The following TDRKH variants were observed in gnomAD, a reference collection of about 807,000 sequenced individuals.
TDRKH encodes the protein tudor and KH domain-containing protein.
TDRKH carries 28 observed loss-of-function variants against 61.3 expected under a neutral mutation model. That is an observed-to-expected ratio of 0.46 (90% CI 0.34 to 0.63). The LOEUF is 0.63. Ranked by LOEUF, TDRKH falls within the 20% of genes least tolerant of loss-of-function variation. The pLI is 0.01. For synonymous variants in TDRKH, 219 were observed against 244.4 expected (o/e 0.90, Z 0.97); for missense variants, 540 against 683.4 (o/e 0.79, Z 2.34).
downstream of TDRKH, chr1:151,767,610 C>G (rs1648408898): frequency 2.9e-6 from 1 of 339,340 alleles, no homozygotes; most frequent in Non-Finnish European, 5.1e-6. Context: ...TAAGCAGGAT[C>G]TGGAATCCAG....
At chr1:151,766,805 C>G (rs780709184), downstream of TDRKH, 12 of 1,603,342 alleles carry the variant, frequency 7.5e-6, no homozygotes, top group Admixed American at 1.5e-4. Flanking sequence ...TCTACCCGAT[C>G]TGGTCACCAT....
chr1:151,782,998 T>C lies in TDRKH; in HGVS notation c.25A>G (p.Thr9Ala). The change falls in exon 2 of 13, where the codon ACA becomes GCA. Residue 9 changes from threonine to alanine, a missense_variant. Around this residue, in one of 3 missense-constraint regions of TDRKH, gnomAD observed 156 missense variants for 218.0 expected, o/e 0.72. Transcript: ENST00000368824. ...ATTTTCTGAATGGTGGACAGGCTTG[T>C]CCAAGAAGTCCGTTCAGTAGACATT... is the stretch of plus-strand genomic sequence containing the variant. MSTERTSW[T>A]SLSTIQKIAL... 6.2e-7 allele frequency: 1 copy of C among 1,613,434 alleles called. No homozygotes were observed. Among genetic ancestry groups the C allele is most frequent in the Non-Finnish European group, 8.5e-7 (1 of 1,179,750 alleles).
In TDRKH at chr1:151,778,983, T is replaced by G. The variant is rs757885246; in HGVS notation, c.585A>C (p.Ser195=). Residue 195 remains serine (S), a synonymous_variant, in exon 6 of 13, where the codon TCA becomes TCC. Transcript: ENST00000368824. ...TTCTCTTCCGAAGTTCTTCATCTTC[T>G]GAAACTTTCTCCAGTATCAAATGCT... ...AAKHLILEKV[S]EDEELRKRIA... 171 of 1,613,874 alleles carry G rather than the reference T, an allele frequency of 1.1e-4. No homozygotes were observed. The highest frequency in any genetic ancestry group is 2.8e-4 in the Admixed American group (17 of 59,970).
chr1:151,776,494 C>A lies in TDRKH; in HGVS notation c.989G>T (p.Ser330Ile). Reference protein sequence around the residue: ...HFWIQIVGSRSLQLDKLVNEM... With the variant: ...HFWIQIVGSRILQLDKLVNEM... ...ATTGACAAGCTTATCCAATTGCAGGCTGCGGGAGCCAACGATCTGGATCCA... is the reference window on the plus strand; with the variant it reads ...ATTGACAAGCTTATCCAATTGCAGGATGCGGGAGCCAACGATCTGGATCCA... Residue 330 changes from serine (S) to isoleucine (I), a missense_variant, in exon 7 of 13, where the codon AGC becomes ATC. This residue lies in a region of TDRKH where 379 missense variants were observed against 443.8 expected (regional missense o/e 0.85). Coordinates refer to ENST00000368824, the MANE Select transcript of TDRKH (RefSeq NM_001083965.2). The A allele has an allele frequency of 1.9e-6, 3 of 1,614,178 alleles. No homozygotes were observed. Among genetic ancestry groups the A allele is most frequent in the Non-Finnish European group, 2.5e-6 (3 of 1,180,030 alleles).
chr1:151,768,955 A>C (rs1469632971), downstream of TDRKH, among the ~76,000 whole-genome samples: 1 of 152,216 alleles, frequency 6.6e-6, no homozygotes, highest in Non-Finnish European at 1.5e-5. Flanking sequence ...TGGACACAGC[A>C]CGTTTCAGAG....
rs1386259099 is a variant in TDRKH at position 151,790,451 on chromosome 1, A to AGCTGCAGCCACCAGC, written c.-114_-100dup. On this transcript the variant is annotated 5_prime_UTR_variant, in exon 1 of 13. Transcript: ENST00000368824. ...AGTGCGCCGCCTCGCGCCTCACCCC[A>AGCTGCAGCCACCAGC]GCTGCAGCCACCAGCGCCGCCGCCT... 2 of 152,872 alleles carry AGCTGCAGCCACCAGC rather than the reference A, an allele frequency of 1.3e-5. No homozygotes were observed. Among genetic ancestry groups the AGCTGCAGCCACCAGC allele is most frequent in the Non-Finnish European group, 2.9e-5 (2 of 68,668 alleles). 9.5% of individuals were successfully genotyped at this position (152,872 alleles called of 1,614,324 possible). A position where few individuals can be genotyped will look rare whatever the true frequency, so the allele number is the denominator to read the frequency against.
chr1:151,768,242 G>A (rs193297393), downstream of TDRKH: 387 of 1,605,874 alleles, frequency 2.4e-4, 2 homozygotes, highest in African/African-American at 4.1e-3. Flanking sequence ...AGGTGACTGA[G>A]CCTGGATGGG....
intron 11 of TDRKH, 105 bp from the exon 12 acceptor site, chr1:151,774,911 T>A: frequency 7.0e-7 from 1 of 1,435,076 alleles, no homozygotes; most frequent in Non-Finnish European, 9.7e-7. Context: ...CAGTTGCATT[T>A]GGCTACCAAG....
intron 4 of TDRKH, 91 bp from the exon 5 acceptor site, chr1:151,779,333 A>C (rs986602382): frequency 6.8e-7 from 1 of 1,481,236 alleles, no homozygotes; most frequent in African/African-American, 1.4e-5. Context: ...CTAGGAGAAG[A>C]GAATCAGTTC....
At chr1:151,778,536 C>T in intron 6 of TDRKH, 149 bp downstream of exon 6, 1 of 1,547,234 alleles carries the variant, frequency 6.5e-7, no homozygotes, top group Non-Finnish European at 8.9e-7. Flanking sequence ...TCCATCCCAT[C>T]TTCAAAATAT....
Position 151,774,195 on chromosome 1 carries a change from C to G in TDRKH, c.*257G>C. On this transcript the variant is annotated 3_prime_UTR_variant, in exon 13 of 13. Coordinates refer to ENST00000368824, the MANE Select transcript of TDRKH (RefSeq NM_001083965.2). ...TGCATGGATCCTTTATCATACACTC[C>G]TCTCCTCCATGCACCAATTCCTATG... 1.9e-6 allele frequency: 1 copy of G among 517,132 alleles called. No homozygotes were observed. The highest frequency in any genetic ancestry group is 3.3e-5 in the East Asian group (1 of 29,982). 32.0% of individuals were successfully genotyped at this position (517,132 alleles called of 1,614,324 possible).
At chr1:151,785,467 G>C (rs753649008) in intron 1 of TDRKH, among the ~76,000 whole-genome samples, 1 of 152,198 alleles carries the variant, frequency 6.6e-6, no homozygotes, top group African/African-American at 2.4e-5. Context: ...ACAAGAGCTG[G>C]AGTAAGTACT....
At position 151,789,766 on chromosome 1, in the gene TDRKH, C is replaced by T. The variant is rs571806845; in HGVS notation, c.-28+614G>A. Among the ~76,000 whole-genome samples the T allele has an allele frequency of 3.4e-4, 52 of 152,248 alleles. 1 individual carries two copies. The South Asian group carries it at 0.01, about 30-fold the overall frequency. On this transcript the variant is annotated intron_variant, in intron 1 of 12. Transcript: ENST00000368824. Reference sequence around the variant, plus strand: ...ACCAGAACCTACAAAGAACCTACAACATGGTGACATGCTTGAATCGAAGCA... The same window carrying T: ...ACCAGAACCTACAAAGAACCTACAATATGGTGACATGCTTGAATCGAAGCA...
chr1:151,782,613 T>A (rs546226431), intron 2 of TDRKH, among the ~76,000 whole-genome samples: 4 of 151,898 alleles, frequency 2.6e-5, no homozygotes, highest in Non-Finnish European at 5.9e-5. Context: ...CTGGGCAACA[T>A]GGGAAAACCC....
Position 151,780,146 on chromosome 1 carries a change from A to G in TDRKH, c.232-6T>C. 6.2e-7 allele frequency: 1 copy of G among 1,608,346 alleles called. No individual in the cohort carries two copies. Among genetic ancestry groups the G allele is most frequent in the Non-Finnish European group, 8.5e-7 (1 of 1,175,160 alleles). On this transcript the variant is annotated splice_polypyrimidine_tract_variant and splice_region_variant and intron_variant, in intron 3 of 12. Coordinates refer to ENST00000368824, the MANE Select transcript of TDRKH (RefSeq NM_001083965.2). ...GCACCTGTCTGTTTCCGCAGCTGCA[A>G]AGAAAAGGACATTTGGCAGTACATT...
At position 151,778,665 on chromosome 1, in the gene TDRKH, G is replaced by A. The variant is rs1484958600; in HGVS notation, c.883+20C>T. 1.2e-6 allele frequency: 2 copies of A among 1,608,382 alleles called. No homozygotes were observed. Among genetic ancestry groups the A allele is most frequent in the Admixed American group, 1.7e-5 (1 of 59,302 alleles). ...TATTTCTATCTTCAATGATTAATGG[G>A]CTCCCTCTTTGTTACATACTTTCAA... On this transcript the variant is annotated intron_variant, in intron 6 of 12. Transcript: ENST00000368824.
At chr1:151,767,988 C>T, downstream of TDRKH, 1 of 1,581,422 alleles carries the variant, frequency 6.3e-7, no homozygotes, top group Non-Finnish European at 8.6e-7. Flanking sequence ...CACCTTGCTT[C>T]AACGGACACA....
intron 1 of TDRKH, among the ~76,000 whole-genome samples, chr1:151,788,711 T>C (rs1444459025): frequency 6.6e-6 from 1 of 152,204 alleles, no homozygotes; most frequent in East Asian, 1.9e-4. Context: ...TAAGTCTGTT[T>C]TGATGGCCAG....
At chr1:151,779,051 G>GT in intron 5 of TDRKH, 45 bp from the exon 6 acceptor site, 1 of 1,612,360 alleles carries the variant, frequency 6.2e-7, no homozygotes, top group Non-Finnish European at 8.5e-7. Context: ...CTGGGATAGA[G>GT]TAAAAGGATC....
Sources: allele counts gnomAD v4.1 joint callset (sites outside exome capture counted in the v4.1 genomes callset), GRCh38; gene constraint gnomAD v4.1.1; regional missense constraint gnomAD v4.1.1; transcripts MANE v1.5; gene names NCBI Gene and HGNC (gene_info 2026-07-23, HGNC 2026-07-21).